PDIA6: variants seen among roughly 807,000 people sequenced by gnomAD.
The protein encoded by PDIA6 is protein disulfide isomerase family A member 6, also known as protein disulfide-isomerase A6.
A neutral mutation model predicts 58.4 loss-of-function variants in PDIA6; 29 were observed. The observed-to-expected ratio is 0.50, with a 90% confidence interval of 0.37 to 0.68. PDIA6 has a LOEUF of 0.68. PDIA6 is among the 30% of genes least tolerant of loss of function. The pLI is 0.00. For synonymous variants in PDIA6, 192 were observed against 202.6 expected (o/e 0.95, Z 0.44); for missense variants, 480 against 551.0 (o/e 0.87, Z 1.29).
intron 10 of PDIA6, 113 bp downstream of exon 10, chr2:10,788,584 A>G: frequency 1.3e-6 from 1 of 744,092 alleles, no homozygotes; most frequent in South Asian, 1.6e-5. Flanking sequence ...AAAAAAAAAC[A>G]TATAGCAGAG....
At chr2:10,822,081 A>G (rs1038917852) in intron 1 of PDIA6, among the ~76,000 whole-genome samples, 4 of 151,964 alleles carry the variant, frequency 2.6e-5, no homozygotes, top group African/African-American at 7.3e-5. Flanking sequence ...CTGGGACTGC[A>G]AGCATGCACC....
intron 6 of PDIA6, among the ~76,000 whole-genome samples, chr2:10,791,443 G>A (rs763266785): frequency 2.6e-5 from 4 of 152,206 alleles, no homozygotes; most frequent in Non-Finnish European, 5.9e-5. Flanking sequence ...ACCATGCCTA[G>A]CCTATACTTT....
chr2:10,783,392 TAGTG>T lies in PDIA6; in HGVS notation c.*862_*865del. 1.8e-6 allele frequency: 1 copy of T among 567,092 alleles called. No homozygotes were observed. The highest frequency in any genetic ancestry group is 2.6e-5 in the South Asian group (1 of 38,586). 35.1% of individuals were successfully genotyped at this position (567,092 alleles called of 1,614,324 possible). A position where few individuals can be genotyped will look rare whatever the true frequency, so the allele number is the denominator to read the frequency against. ...TTTCAGAGAAATTGCTCACAAAAGT[TAGTG>T]ACAGTTGTATTTATTTTTTTAAGTT... On this transcript the variant is annotated 3_prime_UTR_variant, in exon 13 of 13. Coordinates refer to ENST00000272227, the MANE Select transcript of PDIA6 (RefSeq NM_005742.4).
At chr2:10,816,880 G>A (rs529732291), upstream of PDIA6, among the ~76,000 whole-genome samples, 7 of 152,268 alleles carry the variant, frequency 4.6e-5, no homozygotes, top group African/African-American at 1.4e-4. Context: ...GCCTGCCCAA[G>A]ACCCACACTG....
intron 1 of PDIA6, among the ~76,000 whole-genome samples, chr2:10,830,315 G>A (rs1667674601): frequency 6.6e-6 from 1 of 152,258 alleles, no homozygotes; most frequent in South Asian, 2.1e-4. Flanking sequence ...GTGGACCTCC[G>A]TGCCTATCAG....
intron 1 of PDIA6, among the ~76,000 whole-genome samples, chr2:10,827,931 A>C (rs1667595643): frequency 1.3e-5 from 2 of 152,160 alleles, no homozygotes; most frequent in African/African-American, 4.8e-5. Context: ...CAATGTAATA[A>C]AATTAATAGA....
At chr2:10,790,572 G>T in intron 7 of PDIA6, 147 bp downstream of exon 7, 1 of 618,100 alleles carries the variant, frequency 1.6e-6, no homozygotes, top group Non-Finnish European at 2.9e-6. Context: ...AGACTTGTTA[G>T]TTATGACAAT....
chr2:10,821,071 A>C, intron 1 of PDIA6: 2 of 520,410 alleles, frequency 3.8e-6, no homozygotes, highest in South Asian at 2.5e-5. Context: ...TCGTGTTTTA[A>C]AACAGCCTTC....
At chr2:10,829,282 A>T (rs931616037) in intron 1 of PDIA6, among the ~76,000 whole-genome samples, 1 of 151,500 alleles carries the variant, frequency 6.6e-6, no homozygotes, top group Non-Finnish European at 1.5e-5. Context: ...GCTCATGGAC[A>T]CCTCCCGCCC....
Position 10,802,625 on chromosome 2 carries a change from G to T in PDIA6, c.35C>A (p.Thr12Asn). 6.8e-7 allele frequency: 1 copy of T among 1,468,474 alleles called. No individual in the cohort carries two copies. The highest frequency in any genetic ancestry group is 2.6e-5 in the East Asian group (1 of 38,412). The allele number at this position is 1,468,474 out of a possible 1,614,324, so 91.0% of individuals were successfully genotyped here. Residue 12 changes from threonine (T) to asparagine (N), a missense_variant, in exon 2 of 13, where the codon ACC (threonine) becomes AAC (asparagine). Coordinates refer to ENST00000272227, the MANE Select transcript of PDIA6 (RefSeq NM_005742.4). ...CAGACCATTCACTGCCAGAAAGAAG[G>T]TACAGCTCACCAGACCTGAAGATAA... ...ALLVLGLVSC[T>N]FFLAVNGLYS...
chr2:10,837,325 C>T (rs140915951), upstream of PDIA6, among the ~76,000 whole-genome samples: 68 of 152,200 alleles, frequency 4.5e-4, no homozygotes, highest in South Asian at 2.1e-4. Context: ...AAAGAGAGCA[C>T]GAAACACAGC....
At chr2:10,794,358 A>G (rs1247107301) in intron 4 of PDIA6, among the ~76,000 whole-genome samples, 1 of 151,712 alleles carries the variant, frequency 6.6e-6, no homozygotes, top group Non-Finnish European at 1.5e-5. Flanking sequence ...AGGCAGGAGA[A>G]TCACCTGAAC....
chr2:10,820,309 A>G (rs1049589894), intron 1 of PDIA6, among the ~76,000 whole-genome samples: 3 of 152,184 alleles, frequency 2.0e-5, no homozygotes, highest in Non-Finnish European at 4.4e-5. Flanking sequence ...AGAGGGCATG[A>G]AAAATTGATT....
At chr2:10,834,724 T>TCCCTTCCCTCCCTCCC (rs1198670381), upstream of PDIA6, among the ~76,000 whole-genome samples, 16 of 16,696 alleles carry the variant, frequency 9.6e-4, no homozygotes, top group African/African-American at 3.0e-3. Flanking sequence ...CCTCCCTCCC[T>TCCCTTCCCTCCCTCCC]TCCTTCCCTC....
chr2:10,833,066 G>A (rs1667749138), upstream of PDIA6, among the ~76,000 whole-genome samples: 1 of 152,156 alleles, frequency 6.6e-6, no homozygotes, highest in Admixed American at 6.5e-5. Flanking sequence ...AGAAAGGCCA[G>A]GAGTCCCCAT....
At chr2:10,810,130 A>AT in intron 1 of PDIA6, 1 of 668,526 alleles carries the variant, frequency 1.5e-6, no homozygotes, top group South Asian at 1.7e-5. Context: ...TGTATCAGGC[A>AT]TTTTTCTAAA....
At position 10,806,622 on chromosome 2, in the gene PDIA6, T is replaced by TAAAGAGAAAGAAAGAAAGAAAG; in HGVS notation, c.20-3983_20-3982insCTTTCTTTCTTTCTTTCTCTTT. On this transcript the variant is annotated intron_variant, in intron 1 of 12. Transcript: ENST00000272227. The stretch of plus-strand genomic sequence containing the variant: ...TAGCAAAACCACATCTCCTAAAAAA[T>TAAAGAGAAAGAAAGAAAGAAAG]AAAGACAGAAAGAAAGAAAGAAAGA... Among the ~76,000 whole-genome samples, 27 of 48,718 alleles carry TAAAGAGAAAGAAAGAAAGAAAG rather than the reference T, an allele frequency of 5.5e-4. 3 individuals are homozygous for TAAAGAGAAAGAAAGAAAGAAAG. Among genetic ancestry groups the TAAAGAGAAAGAAAGAAAGAAAG allele is most frequent in the East Asian group, 1.1e-3 (2 of 1,752 alleles). 32.0% of individuals were successfully genotyped at this position (48,718 alleles called of 152,430 possible). A position where few individuals can be genotyped will look rare whatever the true frequency, so the allele number is the denominator to read the frequency against.
chr2:10,786,262 G>A (rs539115220), intron 11 of PDIA6, among the ~76,000 whole-genome samples: 26 of 152,150 alleles, frequency 1.7e-4, no homozygotes, highest in African/African-American at 6.3e-4. Flanking sequence ...GGTGGAGGTT[G>A]CAGTGAGCCG....
At chr2:10,812,427 C>T (rs1446527205) in intron 1 of PDIA6, among the ~76,000 whole-genome samples, 1 of 151,874 alleles carries the variant, frequency 6.6e-6, no homozygotes, top group Non-Finnish European at 1.5e-5. Context: ...CCGCGCCCGG[C>T]TCCAGCGCAC....
Sources: allele counts gnomAD v4.1 joint callset (sites outside exome capture counted in the v4.1 genomes callset), GRCh38; gene constraint gnomAD v4.1.1; transcripts MANE v1.5; gene names NCBI Gene and HGNC (gene_info 2026-07-23, HGNC 2026-07-21).